Variants in FOSL2 observed in about 807,000 individuals in gnomAD.
FOSL2 encodes fos-related antigen 2.
Under a neutral mutation model 27.7 loss-of-function variants are expected in FOSL2, and 3 were observed. That is an observed-to-expected ratio of 0.11 (90% confidence interval 0.05 to 0.28). The LOEUF is 0.28. FOSL2 is among the 10% of genes least tolerant of loss of function. The probability of loss-of-function intolerance (pLI) is 1.00; values close to 1 mark genes in which losing one functional copy is unlikely to be tolerated. For missense variants in FOSL2, 333 were observed against 445.1 expected (o/e 0.75, Z 2.27); for synonymous variants, 179 against 190.1 (o/e 0.94, Z 0.48).
At position 28,405,517 on chromosome 2, in the gene FOSL2, C is replaced by T. The variant is rs528093845; in HGVS notation, c.354+1159C>T. Reference sequence around the variant, plus strand: ...ATCTTCACTCTGTGATCCCCAGGGCCACAATGTTCCAATATACGGACCTTT... The same window carrying T: ...ATCTTCACTCTGTGATCCCCAGGGCTACAATGTTCCAATATACGGACCTTT... On this transcript the variant is annotated intron_variant, in intron 2 of 3. Coordinates refer to ENST00000264716, the MANE Select transcript of FOSL2 (RefSeq NM_005253.4). Among the ~76,000 whole-genome samples the T allele has an allele frequency of 2.0e-5, 3 of 152,338 alleles. No homozygotes were observed. The East Asian group carries it at 5.8e-4, about 29-fold the overall frequency.
intron 1 of FOSL2, among the ~76,000 whole-genome samples, chr2:28,394,865 G>C (rs889748253): frequency 1.3e-5 from 2 of 152,154 alleles, no homozygotes; most frequent in East Asian, 1.9e-4. Context: ...TAGCATAGTT[G>C]GCTGCAGCAA....
chr2:28,393,135 G>C lies in FOSL2; in HGVS notation c.-586G>C. On this transcript the variant is annotated 5_prime_UTR_variant, in exon 1 of 4. Transcript: ENST00000264716. This position sits in a 1 kb window ranked among gnomAD's most constrained non-coding sequence, Gnocchi z 4.6. ...GCGCGCTCGGGGCCGCGGGACGGGCGCACGCCGCCTTCTCCTAGTCAAGTA... is the reference window on the plus strand; with the variant it reads ...GCGCGCTCGGGGCCGCGGGACGGGCCCACGCCGCCTTCTCCTAGTCAAGTA... 3.0e-6 allele frequency: 1 copy of C among 336,756 alleles called. No homozygotes were observed. The highest frequency in any genetic ancestry group is 6.4e-5 in the South Asian group (1 of 15,710). 20.9% of individuals were successfully genotyped at this position (336,756 alleles called of 1,614,324 possible).
intron 1 of FOSL2, among the ~76,000 whole-genome samples, chr2:28,399,466 G>T (rs1188455480): frequency 2.6e-5 from 4 of 152,156 alleles, no homozygotes; most frequent in African/African-American, 9.7e-5. Flanking sequence ...GGTGGCCCTA[G>T]AGGGTCCGTG....
At chr2:28,411,077 G>C (rs1185712725) in intron 3 of FOSL2, among the ~76,000 whole-genome samples, 4 of 151,968 alleles carry the variant, frequency 2.6e-5, no homozygotes, top group African/African-American at 9.7e-5. Context: ...GAACCCGGGA[G>C]GCAGAGGCTG....
intron 3 of FOSL2, among the ~76,000 whole-genome samples, chr2:28,411,017 A>G (rs765301735): frequency 1.6e-4 from 25 of 152,024 alleles, no homozygotes; most frequent in Non-Finnish European, 3.2e-4. Flanking sequence ...GTGTGGTGGC[A>G]GGTGCCTGTA....
chr2:28,403,970 C>G (rs1411258782), intron 1 of FOSL2, 137 bp from the exon 2 acceptor site: 1 of 935,492 alleles, frequency 1.1e-6, no homozygotes, highest in South Asian at 1.6e-5. Flanking sequence ...CCAGGCCCAC[C>G]TGGGGTCCTG....
intron 1 of FOSL2, among the ~76,000 whole-genome samples, chr2:28,403,523 G>A (rs1235871492): frequency 2.6e-5 from 4 of 152,208 alleles, no homozygotes; most frequent in Non-Finnish European, 5.9e-5. Context: ...AGTCTCCTGG[G>A]TTAGAGGACA....
Position 28,394,154 on chromosome 2 carries a change from CCT to C in FOSL2, c.102+333_102+334del, listed in dbSNP as rs1663754998. On this transcript the variant is annotated intron_variant, in intron 1 of 3. Transcript: ENST00000264716. ...CAGTGTCTGCCCCCCCCCCCCCACC[CCT>C]GCCCCGCGTCTTCTCTCTGGGTGGT... Among the ~76,000 whole-genome samples, 10 of 136,294 alleles carry C rather than the reference CCT, an allele frequency of 7.3e-5. 1 individual carries two copies. Among genetic ancestry groups the C allele is most frequent in the African/African-American group, 3.1e-4 (10 of 32,728 alleles). The allele number at this position is 136,294 out of a possible 152,430, so 89.4% of individuals were successfully genotyped here.
rs1572488009 is a variant in FOSL2 at position 28,401,798 on chromosome 2, C to T, written c.103-2309C>T. ...TTCAGTCAGCGCCTGATAAAAAGCCCACTTTTCTTTGCCTTCAGAAATGCA... is the reference window on the plus strand; with the variant it reads ...TTCAGTCAGCGCCTGATAAAAAGCCTACTTTTCTTTGCCTTCAGAAATGCA... On this transcript the variant is annotated intron_variant, in intron 1 of 3. Transcript: ENST00000264716. Among the ~76,000 whole-genome samples the T allele has an allele frequency of 3.3e-5, 5 of 152,306 alleles. No individual in the cohort carries two copies. In the South Asian group the frequency reaches 1.0e-3, roughly 32 times the overall value.
intron 2 of FOSL2, among the ~76,000 whole-genome samples, chr2:28,407,849 C>T (rs1168339114): frequency 6.6e-6 from 1 of 152,236 alleles, no homozygotes; most frequent in African/African-American, 2.4e-5. Flanking sequence ...AGCATTTGCC[C>T]TGCTCAGTAG....
Position 28,412,235 on chromosome 2 carries a change from C to T in FOSL2, c.768C>T (p.Tyr256=), listed in dbSNP as rs147681398. The change falls in exon 4 of 4, where the codon TAC becomes TAT. Residue 256 remains tyrosine, a synonymous_variant. Coordinates refer to ENST00000264716, the MANE Select transcript of FOSL2 (RefSeq NM_005253.4). This position sits in a 1 kb window ranked among gnomAD's most constrained non-coding sequence, Gnocchi z 7.1. ...CCATCAGCATTGCTGGGGGCTTCTA[C>T]GGTGAGGAGCCCCTGCACACCCCCA... ...IKPISIAGGF[Y]GEEPLHTPIV... is the part of the protein sequence containing the mutation. 228 of 1,613,796 alleles carry T rather than the reference C, an allele frequency of 1.4e-4. No individual in the cohort carries two copies. The African/African-American group carries it at 2.3e-3, about 17-fold the overall frequency.
chr2:28,394,215 C>T (rs1240713907), intron 1 of FOSL2, among the ~76,000 whole-genome samples: 5 of 150,768 alleles, frequency 3.3e-5, no homozygotes, highest in Non-Finnish European at 7.4e-5. Context: ...CCCACTGGCA[C>T]CTCTCGACAT....
intron 1 of FOSL2, among the ~76,000 whole-genome samples, chr2:28,403,016 C>T (rs982388616): frequency 6.6e-5 from 10 of 152,154 alleles, no homozygotes; most frequent in Non-Finnish European, 1.3e-4. Flanking sequence ...TCATCTCACC[C>T]AGTTTTTAAG....
chr2:28,393,699 T>C lies in FOSL2; in HGVS notation c.-22T>C, dbSNP rs1663734352. On this transcript the variant is annotated 5_prime_UTR_variant, in exon 1 of 4. Transcript: ENST00000264716. This position sits in a 1 kb window ranked among gnomAD's most constrained non-coding sequence, Gnocchi z 4.6. ...GGGGGAAGAAAAACACCCTGTTTCCTCTCCGGCCCCCACCGCGGATCATGT... is the reference window on the plus strand; with the variant it reads ...GGGGGAAGAAAAACACCCTGTTTCCCCTCCGGCCCCCACCGCGGATCATGT... 4.4e-6 allele frequency: 7 copies of C among 1,573,566 alleles called. No individual in the cohort carries two copies. Among genetic ancestry groups the C allele is most frequent in the Non-Finnish European group, 6.1e-6 (7 of 1,152,908 alleles).
chr2:28,400,707 C>CTTGTT (rs1478776780), intron 1 of FOSL2, among the ~76,000 whole-genome samples: 1 of 152,148 alleles, frequency 6.6e-6, no homozygotes, highest in Admixed American at 6.5e-5. Flanking sequence ...TTATTGCTGT[C>CTTGTT]TTGTTTTGTC....
intron 1 of FOSL2, among the ~76,000 whole-genome samples, chr2:28,397,416 T>TTAC (rs907856367): frequency 5.3e-5 from 8 of 152,094 alleles, no homozygotes; most frequent in African/African-American, 1.9e-4. Flanking sequence ...CCCCTTGATG[T>TTAC]TACAGATGTT....
chr2:28,405,482 A>G lies in FOSL2; in HGVS notation c.354+1124A>G, dbSNP rs1295701403. ...AGCCTTGGAACCCTTCCTCATTTCA[A>G]CCACTGTCCATCTTCACTCTGTGAT... On this transcript the variant is annotated intron_variant, in intron 2 of 3. Coordinates refer to ENST00000264716, the MANE Select transcript of FOSL2 (RefSeq NM_005253.4). 2.6e-5 allele frequency among the ~76,000 whole-genome samples: 4 copies of G among 152,156 alleles called. No homozygotes were observed. In the East Asian group the frequency reaches 5.8e-4, roughly 22 times the overall value.
At position 28,406,947 on chromosome 2, in the gene FOSL2, G is replaced by A. The variant is rs148962331; in HGVS notation, c.355-1812G>A. Among the ~76,000 whole-genome samples, 750 of 152,300 alleles carry A rather than the reference G, an allele frequency of 4.9e-3. 2 individuals carry two copies. The highest frequency in any genetic ancestry group is 8.8e-3 in the Non-Finnish European group (598 of 68,016). On this transcript the variant is annotated intron_variant, in intron 2 of 3. Coordinates refer to ENST00000264716, the MANE Select transcript of FOSL2 (RefSeq NM_005253.4). Reference sequence around the variant, plus strand: ...GGGGAGGGGAGGGTGTGTGTGGCTTGTGGGTGGGTACATGGTGCTGCTGAC... The same window carrying A: ...GGGGAGGGGAGGGTGTGTGTGGCTTATGGGTGGGTACATGGTGCTGCTGAC...
At chr2:28,405,745 T>A (rs1664063228) in intron 2 of FOSL2, among the ~76,000 whole-genome samples, 1 of 152,190 alleles carries the variant, frequency 6.6e-6, no homozygotes, top group Admixed American at 6.5e-5. Flanking sequence ...GTGTGTCTGC[T>A]AGACACTATA....
Sources: gnomAD v4.1 joint callset for allele counts (sites outside exome capture counted in the v4.1 genomes callset) on GRCh38, gnomAD v4.1.1 for gene constraint, Gnocchi (gnomAD v3.1) non-coding constraint, MANE v1.5 for transcripts, NCBI Gene and HGNC (gene_info 2026-07-23, HGNC 2026-07-21) for gene names.